Variants in TENT4B observed in about 807,000 individuals in gnomAD.
The protein encoded by TENT4B is terminal nucleotidyltransferase 4B, also known as PAP associated domain containing 5.
In TENT4B, 10 loss-of-function variants were observed where a neutral mutation model predicts 75.0. The observed-to-expected ratio is 0.13, with a 90% CI of 0.08 to 0.23. TENT4B has a LOEUF of 0.23. TENT4B is among the 10% of genes least tolerant of loss of function. The pLI, the probability that TENT4B is intolerant of heterozygous loss-of-function variation, is 1.00. For missense variants in TENT4B, 579 were observed against 893.8 expected (o/e 0.65, Z 4.49); for synonymous variants, 350 against 357.7 (o/e 0.98, Z 0.24).
At chr16:50,218,800 T>C (rs924439235) in intron 5 of TENT4B, among the ~76,000 whole-genome samples, 3 of 152,218 alleles carry the variant, frequency 2.0e-5, no homozygotes, top group Non-Finnish European at 4.4e-5. Context: ...TTCTGTTTTC[T>C]TCCAAGATAG....
intron 1 of TENT4B, among the ~76,000 whole-genome samples, chr16:50,207,132 T>G (rs1406580410): frequency 6.6e-6 from 1 of 151,964 alleles, no homozygotes; most frequent in Non-Finnish European, 1.5e-5. Flanking sequence ...ACTGCTTTTA[T>G]ATGACTTTTC....
At chr16:50,193,080 G>T (rs1314794669) in intron 1 of TENT4B, among the ~76,000 whole-genome samples, 1 of 152,254 alleles carries the variant, frequency 6.6e-6, no homozygotes, top group East Asian at 1.9e-4. Flanking sequence ...GTGAATGAAT[G>T]AATACATTAT....
intron 1 of TENT4B, among the ~76,000 whole-genome samples, chr16:50,166,286 T>C (rs574224413): frequency 1.1e-3 from 172 of 152,000 alleles, no homozygotes; most frequent in African/African-American, 4.0e-3. Flanking sequence ...GGTTTTGCCA[T>C]GTTGGTCAGG....
chr16:50,195,285 TC>T (rs1284518239), intron 1 of TENT4B, among the ~76,000 whole-genome samples: 1 of 152,174 alleles, frequency 6.6e-6, no homozygotes, highest in Admixed American at 6.6e-5. Flanking sequence ...TGATACCCCC[TC>T]CAAAGCACAG....
Position 50,230,205 on chromosome 16 carries a change from C to G in TENT4B, c.*877C>G. On this transcript the variant is annotated 3_prime_UTR_variant, in exon 12 of 12. Coordinates refer to ENST00000561678, the MANE Select transcript of TENT4B (RefSeq NM_001365324.3). ...CCGAGAATTAACTTGCAACTGTTTT[C>G]TATAGTGCTGTCGTCTTGGGCAATG... 1 of 979,870 alleles carries G rather than the reference C, an allele frequency of 1.0e-6. No homozygotes were observed. The highest frequency in any genetic ancestry group is 1.2e-6 in the Non-Finnish European group (1 of 829,302). 60.7% of individuals were successfully genotyped at this position (979,870 alleles called of 1,614,324 possible). A position where few individuals can be genotyped will look rare whatever the true frequency, so the allele number is the denominator to read the frequency against.
intron 1 of TENT4B, among the ~76,000 whole-genome samples, chr16:50,159,741 G>C (rs1478197647): frequency 6.6e-6 from 1 of 152,142 alleles, no homozygotes; most frequent in Admixed American, 6.5e-5. Context: ...TCAGGTTATT[G>C]AATTTTACTG....
chr16:50,173,912 T>G (rs2038253558), intron 1 of TENT4B, among the ~76,000 whole-genome samples: 1 of 152,176 alleles, frequency 6.6e-6, no homozygotes, highest in Non-Finnish European at 1.5e-5. Context: ...CAGGCTGGTC[T>G]TGAACTCCTG....
In TENT4B at chr16:50,222,187, TTAAG is replaced by T. The variant is rs562663446; in HGVS notation, c.1039-116_1039-113del. 454 of 904,204 alleles carry T rather than the reference TTAAG, an allele frequency of 5.0e-4. 3 individuals are homozygous for T. The African/African-American group carries it at 6.0e-3, about 12-fold the overall frequency. 56.0% of individuals were successfully genotyped at this position (904,204 alleles called of 1,614,324 possible). On this transcript the variant is annotated intron_variant, in intron 5 of 11. Coordinates refer to ENST00000561678, the MANE Select transcript of TENT4B (RefSeq NM_001365324.3). ...AATAGCTTACTCTTAAAATAGAAAA[TTAAG>T]TATGTTGTATATCTCTACCAAATTT...
intron 5 of TENT4B, among the ~76,000 whole-genome samples, chr16:50,220,054 T>C (rs2031755040): frequency 2.0e-5 from 3 of 151,528 alleles, no homozygotes; most frequent in South Asian, 4.2e-4. Flanking sequence ...AGTGGCGCGA[T>C]CTTGGCTCAC....
At chr16:50,212,502 G>C (rs908474529) in intron 2 of TENT4B, among the ~76,000 whole-genome samples, 6 of 152,158 alleles carry the variant, frequency 3.9e-5, no homozygotes, top group African/African-American at 1.2e-4. Flanking sequence ...GCACTGTCCT[G>C]GGTGGTGGTG....
At chr16:50,153,218 G>A (rs1196969173), upstream of TENT4B, among the ~76,000 whole-genome samples, 1 of 139,540 alleles carries the variant, frequency 7.2e-6, no homozygotes. Flanking sequence ...GGCGGAGCCG[G>A]CAGAGGCCCC....
intron 1 of TENT4B, among the ~76,000 whole-genome samples, chr16:50,155,945 T>A (rs1204072494): frequency 6.6e-6 from 1 of 152,204 alleles, no homozygotes; most frequent in Non-Finnish European, 1.5e-5. Flanking sequence ...TCCAAGATGC[T>A]TATTTTTTTT....
intron 1 of TENT4B, among the ~76,000 whole-genome samples, chr16:50,157,965 C>G (rs1237496824): frequency 6.6e-6 from 1 of 151,550 alleles, no homozygotes; most frequent in Non-Finnish European, 1.5e-5. Context: ...GGGGTCTTGT[C>G]ATGTTGCCCA....
rs2032335593 is a variant in TENT4B, at chr16:50,232,821, T to C, written c.*3493T>C. The C allele has an allele frequency of 6.1e-6, 6 of 985,266 alleles. No homozygotes were observed. In the South Asian group the frequency reaches 2.8e-4, roughly 46 times the overall value. The allele number at this position is 985,266 out of a possible 1,614,324, so 61.0% of individuals were successfully genotyped here. Reference sequence around the variant, plus strand: ...ACTTTAATATTGATCTATAGTTTGATCAGTTCCTTGAATTCTAATATGTTG... The same window carrying C: ...ACTTTAATATTGATCTATAGTTTGACCAGTTCCTTGAATTCTAATATGTTG... On this transcript the variant is annotated 3_prime_UTR_variant, in exon 12 of 12. Transcript: ENST00000561678.
intron 11 of TENT4B, among the ~76,000 whole-genome samples, 200 bp downstream of exon 11, chr16:50,228,203 CAT>C (rs1378662568): frequency 6.6e-6 from 1 of 152,154 alleles, no homozygotes; most frequent in African/African-American, 2.4e-5. Context: ...ACCATTGTAA[CAT>C]AAATCTCTTC....
Position 50,223,279 on chromosome 16 carries a change from A to G in TENT4B, c.1273A>G (p.Ile425Val). Residue 425 changes from isoleucine (I) to valine (V), a missense_variant, in exon 7 of 12, where the codon ATC becomes GTC. Physicochemically the swap from Ile to Val is conservative, Grantham distance 29 (BLOSUM62 3). This residue lies in a region of TENT4B where 71 missense variants were observed against 210.6 expected (regional missense o/e 0.34). Transcript: ENST00000561678. ...GRHFNYLKTG[I>V]RIKDGGSYVA... ...ACACTTCAATTATTTAAAGACTGGC[A>G]TCCGGATAAAGGATGGTGGTTCATA... 6.2e-7 allele frequency: 1 copy of G among 1,613,862 alleles called. No individual in the cohort carries two copies. The highest frequency in any genetic ancestry group is 8.5e-7 in the Non-Finnish European group (1 of 1,179,764).
Position 50,233,278 on chromosome 16 carries a change from TGA to T in TENT4B, c.*3951_*3952del. ...AAAGAGTTCATCTTGCCTTGGTTTC[TGA>T]CCCTCAAGACTCTAGCTACCTGCCA... is the stretch of plus-strand genomic sequence containing the variant. On this transcript the variant is annotated 3_prime_UTR_variant, in exon 12 of 12. Coordinates refer to ENST00000561678, the MANE Select transcript of TENT4B (RefSeq NM_001365324.3). 6.1e-6 allele frequency: 6 copies of T among 985,462 alleles called. No homozygotes were observed. The highest frequency in any genetic ancestry group is 7.2e-6 in the Non-Finnish European group (6 of 829,936). The allele number at this position is 985,462 out of a possible 1,614,324, so 61.0% of individuals were successfully genotyped here. A position where few individuals can be genotyped will look rare whatever the true frequency, so the allele number is the denominator to read the frequency against.
intron 1 of TENT4B, among the ~76,000 whole-genome samples, chr16:50,205,666 C>T (rs1438495702): frequency 7.8e-6 from 1 of 128,702 alleles, no homozygotes; most frequent in African/African-American, 2.9e-5. Context: ...TCTCAGCTTG[C>T]TGTGATCTCT....
intron 1 of TENT4B, among the ~76,000 whole-genome samples, chr16:50,180,903 C>A (rs1184322177): frequency 2.6e-5 from 4 of 152,120 alleles, no homozygotes; most frequent in Admixed American, 2.6e-4. Context: ...CCTCAAACTT[C>A]CAAACTATTA....
Sources: allele counts gnomAD v4.1 joint callset (sites outside exome capture counted in the v4.1 genomes callset), GRCh38; gene constraint gnomAD v4.1.1; regional missense constraint gnomAD v4.1.1; transcripts MANE v1.5; gene names NCBI Gene and HGNC (gene_info 2026-07-23, HGNC 2026-07-21).